KLHL35: variants seen among roughly 807,000 people sequenced by gnomAD.
The protein encoded by KLHL35 is kelch like family member 35.
KLHL35 carries 50 observed loss-of-function variants against 44.0 expected under a neutral mutation model. The ratio of observed to expected loss-of-function variants is 1.14; its 90% CI spans 0.91 to 1.44. The LOEUF is 1.44. Among genes scored for constraint, KLHL35 ranks in the 40% most tolerant of loss-of-function variants. KLHL35 has a pLI of 0.00. For synonymous variants in KLHL35, 470 were observed against 410.4 expected, an observed-to-expected ratio of 1.15 and a Z score of -1.76; for missense variants, 1,049 against 887.8, an observed-to-expected ratio of 1.18 and a Z score of -2.31.
intron 2 of KLHL35, 166 bp from the exon 3 acceptor site, chr11:75,428,792 A>G (rs1305037967): frequency 5.1e-6 from 3 of 583,854 alleles, no homozygotes; most frequent in Non-Finnish European, 8.7e-6. Context: ...GCCACTTCCA[A>G]CTTTGCCTGT....
intron 3 of KLHL35, 130 bp downstream of exon 3, chr11:75,428,311 TC>T: frequency 9.5e-7 from 1 of 1,057,136 alleles, no homozygotes; most frequent in South Asian, 1.6e-5. Context: ...CCTGCTCACT[TC>T]AGCCAATAAC....
At chr11:75,430,727 T>G in intron 1 of KLHL35, 97 bp from the exon 2 acceptor site, 1 of 1,067,858 alleles carries the variant, frequency 9.4e-7, no homozygotes, top group Admixed American at 4.3e-5. Flanking sequence ...TCTTGACCAT[T>G]TGTTCAGCGA....
At chr11:75,426,408 T>G (rs1009496960) in intron 4 of KLHL35, 112 bp downstream of exon 4, 6 of 631,736 alleles carry the variant, frequency 9.5e-6, no homozygotes, top group East Asian at 8.4e-5. Flanking sequence ...TCTCCTTTTT[T>G]GGGGGGCTTC....
chr11:75,424,619 G>A (rs2135078908), intron 5 of KLHL35: 1 of 152,364 alleles, frequency 6.6e-6, no homozygotes, highest in South Asian at 2.1e-4. Context: ...CTCCCACCAT[G>A]AGTGCCTATC....
chr11:75,422,809 G>T lies in KLHL35; in HGVS notation c.1564-41C>A, dbSNP rs369804863. The T allele has an allele frequency of 8.8e-6, 14 of 1,584,386 alleles. No individual in the cohort carries two copies. In the African/African-American group the frequency reaches 1.6e-4, roughly 18 times the overall value. ...GAAAGACAACTATCAGGTCCAGCCT[G>T]GGGCTTCCTCTGTCCCTGCCTGGCC... On this transcript the variant is annotated intron_variant, in intron 6 of 6. Coordinates refer to ENST00000539798, the MANE Select transcript of KLHL35 (RefSeq NM_001039548.3).
At position 75,430,381 on chromosome 11, in the gene KLHL35, T is replaced by A; in HGVS notation, c.249A>T (p.Pro83=). 1 of 1,363,488 alleles carries A rather than the reference T, an allele frequency of 7.3e-7. No homozygotes were observed. Among genetic ancestry groups the A allele is most frequent in the South Asian group, 1.5e-5 (1 of 64,520 alleles). The allele number at this position is 1,363,488 out of a possible 1,614,324, so 84.5% of individuals were successfully genotyped here. Residue 83 remains proline, a synonymous_variant, in exon 2 of 7, where the codon CCA becomes CCT. Coordinates refer to ENST00000539798, the MANE Select transcript of KLHL35 (RefSeq NM_001039548.3). ...GCGCCTCGGGAGCTACTGGCACCAC[T>A]GGCACCACGGCCGGGCCGCGCTCGG... ...GRPERGPAVV[P]VVPVAPEAPG...
Position 75,425,437 on chromosome 11 carries a change from A to G in KLHL35, c.1330T>C (p.Phe444Leu). Residue 444 changes from phenylalanine to leucine, a missense_variant, in exon 5 of 7, where the codon TTC (phenylalanine) becomes CTC (leucine). By Grantham distance (22) the Phe-to-Leu change is conservative. Coordinates refer to ENST00000539798, the MANE Select transcript of KLHL35 (RefSeq NM_001039548.3). Reference protein sequence around the residue: ...AAVASCAGKLFVIGGARQGGV... With the variant: ...AAVASCAGKLLVIGGARQGGV... ...CCCTGCCTGGCGCCCCCAATCACGA[A>G]GAGCTTGCCCGCGCAGGACGCCACC... is the stretch of plus-strand genomic sequence containing the variant. 1 of 1,571,554 alleles carries G rather than the reference A, an allele frequency of 6.4e-7. No individual in the cohort carries two copies. Among genetic ancestry groups the G allele is most frequent in the Non-Finnish European group, 8.6e-7 (1 of 1,165,332 alleles).
chr11:75,431,510 C>G (rs1167057365), intron 1 of KLHL35, among the ~76,000 whole-genome samples: 3 of 152,124 alleles, frequency 2.0e-5, no homozygotes, highest in Non-Finnish European at 4.4e-5. Flanking sequence ...AACCTTCCAG[C>G]TGAGAAGGAT....
chr11:75,427,788 C>T, intron 3 of KLHL35, among the ~76,000 whole-genome samples: 1 of 152,176 alleles, frequency 6.6e-6, no homozygotes, highest in East Asian at 1.9e-4. Flanking sequence ...CTGTTCCCTC[C>T]AACTTTCAAG....
chr11:75,428,418 C>T (rs1336914709), intron 3 of KLHL35, 24 bp downstream of exon 3: 3 of 1,610,942 alleles, frequency 1.9e-6, no homozygotes, highest in South Asian at 2.2e-5. Context: ...CCCGTGTGAG[C>T]TCCCGTTGCG....
chr11:75,432,560 C>T (rs1168329516), intron 1 of KLHL35, among the ~76,000 whole-genome samples: 1 of 152,182 alleles, frequency 6.6e-6, no homozygotes, highest in Admixed American at 6.5e-5. Context: ...GAGGGCAGGT[C>T]TCATCAGCAT....
chr11:75,429,674 T>G, intron 2 of KLHL35, 75 bp downstream of exon 2: 14 of 1,373,432 alleles, frequency 1.0e-5, no homozygotes, highest in Non-Finnish European at 1.2e-5. Context: ...TACTAAAAGA[T>G]GATGAAAGAA....
chr11:75,433,110 GCCGC>G lies in KLHL35; in HGVS notation c.-73_-70del, dbSNP rs1202900215. Among the ~76,000 whole-genome samples, 1 of 152,160 alleles carries G rather than the reference GCCGC, an allele frequency of 6.6e-6. No individual in the cohort carries two copies. The highest frequency in any genetic ancestry group is 1.5e-5 in the Non-Finnish European group (1 of 68,038). ...ACAGGTATCACTCCCGTTTGTGCCT[GCCGC>G]CCGCACCCCTGGCAGCCCAAGCTCC... On this transcript the variant is annotated 5_prime_UTR_variant, in exon 1 of 7. An upstream open reading frame in the 5' UTR loses its in-frame stop. Transcript: ENST00000539798.
In KLHL35 at chr11:75,430,487, C is replaced by G. The variant is rs950870056; in HGVS notation, c.143G>C (p.Gly48Ala). Residue 48 changes from glycine to alanine, a missense_variant, in exon 2 of 7, where the codon GGC (glycine) becomes GCC (alanine). Coordinates refer to ENST00000539798, the MANE Select transcript of KLHL35 (RefSeq NM_001039548.3). The stretch of plus-strand genomic sequence containing the variant: ...GCGGTGGCACGGAAAGTCGCGCCCG[C>G]CGGCGCGCAGCACCACGTCGGTGAG... ...GTLTDVVLRA[G>A]GRDFPCHRAA... 23 of 1,406,980 alleles carry G rather than the reference C, an allele frequency of 1.6e-5. No homozygotes were observed. In the East Asian group the frequency reaches 3.4e-4, roughly 21 times the overall value. 87.2% of individuals were successfully genotyped at this position (1,406,980 alleles called of 1,614,324 possible).
rs748811957 is a variant in KLHL35 at position 75,423,619 on chromosome 11, C to A, written c.1563+73G>T. Reference sequence around the variant, plus strand: ...AATAAAACCACCTAGGATGGAGTCACAAGATTCACAAGCTCCAAGATCCAG... The same window carrying A: ...AATAAAACCACCTAGGATGGAGTCAAAAGATTCACAAGCTCCAAGATCCAG... On this transcript the variant is annotated intron_variant, in intron 6 of 6. Coordinates refer to ENST00000539798, the MANE Select transcript of KLHL35 (RefSeq NM_001039548.3). 30 of 1,305,094 alleles carry A rather than the reference C, an allele frequency of 2.3e-5. No individual in the cohort carries two copies. In the East Asian group the frequency reaches 6.7e-4, roughly 29 times the overall value. 80.8% of individuals were successfully genotyped at this position (1,305,094 alleles called of 1,614,324 possible).
chr11:75,430,143 C>T lies in KLHL35; in HGVS notation c.487G>A (p.Ala163Thr). ...ANSLALRRVA[A>T]AFSLAPLAER... Reference sequence around the variant, plus strand: ...GCCAGCGGGGCCAGCGAGAAGGCGGCGGCCACGCGGCGCAGCGCTAGGCTG... The same window carrying T: ...GCCAGCGGGGCCAGCGAGAAGGCGGTGGCCACGCGGCGCAGCGCTAGGCTG... Residue 163 changes from alanine to threonine, a missense_variant, in exon 2 of 7, where the codon GCC (alanine) becomes ACC (threonine). By Grantham distance (58) the Ala-to-Thr change is moderately conservative. Transcript: ENST00000539798. 4 of 1,251,612 alleles carry T rather than the reference C, an allele frequency of 3.2e-6. No homozygotes were observed. Among genetic ancestry groups the T allele is most frequent in the South Asian group, 2.7e-5 (1 of 37,250 alleles). 77.5% of individuals were successfully genotyped at this position (1,251,612 alleles called of 1,614,324 possible). A position where few individuals can be genotyped will look rare whatever the true frequency, so the allele number is the denominator to read the frequency against.
At chr11:75,423,414 C>T in intron 6 of KLHL35, 1 of 416,922 alleles carries the variant, frequency 2.4e-6, no homozygotes, top group East Asian at 4.2e-5. Flanking sequence ...ACCACAGGGT[C>T]ATTTGGACCA....
At position 75,423,853 on chromosome 11, in the gene KLHL35, G is replaced by C; in HGVS notation, c.1402C>G (p.Arg468Gly). Reference protein sequence around the residue: ...KVQCFDPKEDRWSLRSPAPFS... With the variant: ...KVQCFDPKEDGWSLRSPAPFS... ...GGTGCTGGTGACCGCAGGCTCCACC[G>C]GTCCTCCTTGGGGTCAAAGCACTGC... is the stretch of plus-strand genomic sequence containing the variant. Residue 468 changes from arginine to glycine, a missense_variant, in exon 6 of 7, where the codon CGG (arginine) becomes GGG (glycine). Arg to Gly is a moderately radical substitution (Grantham distance 125). Transcript: ENST00000539798. The C allele has an allele frequency of 1.2e-6, 2 of 1,613,478 alleles. No individual in the cohort carries two copies. Among genetic ancestry groups the C allele is most frequent in the Non-Finnish European group, 1.7e-6 (2 of 1,179,628 alleles).
At chr11:75,428,312 C>A in intron 3 of KLHL35, 130 bp downstream of exon 3, 1 of 1,067,848 alleles carries the variant, frequency 9.4e-7, no homozygotes, top group South Asian at 1.6e-5. Context: ...CTGCTCACTT[C>A]AGCCAATAAC....
Sources: allele counts gnomAD v4.1 joint callset (sites outside exome capture counted in the v4.1 genomes callset), GRCh38; gene constraint gnomAD v4.1.1; transcripts MANE v1.5; gene names NCBI Gene and HGNC (gene_info 2026-07-23, HGNC 2026-07-21).